ANKRD17: variants seen among roughly 807,000 people sequenced by gnomAD.
The protein encoded by ANKRD17 is ankyrin repeat domain-containing protein 17.
Under a neutral mutation model 229.7 loss-of-function variants are expected in ANKRD17, and 19 were observed. The observed-to-expected ratio is 0.08, with a 90% CI of 0.06 to 0.12. The LOEUF is 0.12. ANKRD17 is among the 10% of genes least tolerant of loss of function. The pLI is 1.00. For missense variants in ANKRD17, 2,176 were observed against 3,176.8 expected (o/e 0.68, Z 7.57); for synonymous variants, 1,112 against 1,146.1 (o/e 0.97, Z 0.60).
intron 1 of ANKRD17, among the ~76,000 whole-genome samples, chr4:73,256,741 T>G (rs910783102): frequency 6.6e-6 from 1 of 152,196 alleles, no homozygotes; most frequent in Non-Finnish European, 1.5e-5. Flanking sequence ...TTCTCTTCCT[T>G]GTTTCAAATG....
chr4:73,078,986 A>G (rs1438923533), intron 30 of ANKRD17, 96 bp from the exon 31 acceptor site: 1 of 1,354,574 alleles, frequency 7.4e-7, no homozygotes, highest in Non-Finnish European at 9.9e-7. Context: ...TTTTAAATAT[A>G]TATTCTCAGA....
At chr4:73,120,798 A>G (rs1578111505) in intron 20 of ANKRD17, 83 bp downstream of exon 20, 1 of 1,241,834 alleles carries the variant, frequency 8.1e-7, no homozygotes, top group Admixed American at 2.3e-5. Context: ...AGAAAGAACT[A>G]AAATTATAAT....
chr4:73,216,179 C>T (rs915654208), intron 1 of ANKRD17, among the ~76,000 whole-genome samples: 2 of 152,084 alleles, frequency 1.3e-5, no homozygotes, highest in African/African-American at 4.8e-5. Flanking sequence ...AACAATGCCA[C>T]TCTCACAAAT....
chr4:73,109,959 G>A (rs1345878365), intron 24 of ANKRD17, among the ~76,000 whole-genome samples: 1 of 140,064 alleles, frequency 7.1e-6, no homozygotes, highest in African/African-American at 2.6e-5. Context: ...ACCGAGAATG[G>A]GATAGGTTGT....
intron 1 of ANKRD17, among the ~76,000 whole-genome samples, chr4:73,246,666 G>T (rs1744530320): frequency 6.6e-6 from 1 of 152,078 alleles, no homozygotes; most frequent in Admixed American, 6.6e-5. Context: ...AACAGAAAAG[G>T]GTCCAATGAG....
At chr4:73,083,683 G>C (rs957514990) in intron 30 of ANKRD17, among the ~76,000 whole-genome samples, 4 of 152,114 alleles carry the variant, frequency 2.6e-5, no homozygotes, top group Admixed American at 2.0e-4. Flanking sequence ...GTACACGCCT[G>C]TAATTCCAGC....
intron 1 of ANKRD17, among the ~76,000 whole-genome samples, chr4:73,228,164 A>G (rs1220559039): frequency 1.3e-5 from 2 of 152,182 alleles, no homozygotes; most frequent in Non-Finnish European, 2.9e-5. Flanking sequence ...ATAAGTATGA[A>G]ACCCAAGTGT....
intron 2 of ANKRD17, among the ~76,000 whole-genome samples, chr4:73,162,056 CTTT>C (rs529011465): frequency 7.2e-6 from 1 of 138,178 alleles, no homozygotes; most frequent in African/African-American, 2.7e-5. Flanking sequence ...TTCTCTCTCT[CTTT>C]TTTTTTTTTT....
At position 73,091,316 on chromosome 4, in the gene ANKRD17, A is replaced by G. The variant is rs752290027; in HGVS notation, c.6312T>C (p.Ala2104=). The change falls in exon 29 of 34, where the codon GCT becomes GCC. Residue 2104 remains alanine (A), a synonymous_variant. Transcript: ENST00000358602. The part of the protein sequence containing the change: ...NSSSSSGSSS[A]HSNQQQPPGS... Reference sequence around the variant, plus strand: ...CCGGAGGTTGTTGCTGATTAGAATGAGCTGATGAACTCCCAGAAGAACTGC... The same window carrying G: ...CCGGAGGTTGTTGCTGATTAGAATGGGCTGATGAACTCCCAGAAGAACTGC... The G allele has an allele frequency of 1.5e-5, 24 of 1,614,016 alleles. No homozygotes were observed. The highest frequency in any genetic ancestry group is 1.9e-5 in the Non-Finnish European group (23 of 1,180,042).
At chr4:73,136,984 T>C (rs1191979655) in intron 15 of ANKRD17, among the ~76,000 whole-genome samples, 2 of 134,300 alleles carry the variant, frequency 1.5e-5, no homozygotes, top group African/African-American at 7.7e-5. Flanking sequence ...TACAGAGTTT[T>C]TTTTTTTTTT....
intron 30 of ANKRD17, among the ~76,000 whole-genome samples, chr4:73,083,960 AC>A: frequency 1.3e-5 from 2 of 152,056 alleles, no homozygotes; most frequent in Admixed American, 6.6e-5. Context: ...AAAAAAAAAA[AC>A]CGAAGTCTTA....
rs1578295625 is a variant in ANKRD17, at chr4:73,179,985, T to G, written c.394-2452A>C. Among the ~76,000 whole-genome samples the G allele has an allele frequency of 3.3e-5, 5 of 152,110 alleles. No homozygotes were observed. The South Asian group carries it at 1.0e-3, about 32-fold the overall frequency. On this transcript the variant is annotated intron_variant, in intron 1 of 33. Coordinates refer to ENST00000358602, the MANE Select transcript of ANKRD17 (RefSeq NM_032217.5). ...AATGAAATTTTCTAATATCTGAAAT[T>G]TATTAAAATATTTACAATTATTTCA...
chr4:73,195,046 T>G, intron 1 of ANKRD17, among the ~76,000 whole-genome samples: 1 of 152,192 alleles, frequency 6.6e-6, no homozygotes, highest in Non-Finnish European at 1.5e-5. Flanking sequence ...CTCTCTTATA[T>G]TCCTAGTTTG....
intron 23 of ANKRD17, among the ~76,000 whole-genome samples, chr4:73,114,634 A>C (rs1005506415): frequency 3.9e-5 from 6 of 152,184 alleles, no homozygotes; most frequent in African/African-American, 1.4e-4. Context: ...GTGCCACTGA[A>C]CCAGTCTTAT....
chr4:73,147,526 A>C (rs1317779354), intron 8 of ANKRD17, 94 bp from the exon 9 acceptor site: 2 of 1,057,216 alleles, frequency 1.9e-6, no homozygotes, highest in African/African-American at 3.3e-5. Context: ...GAATCTTTAA[A>C]ATGAACATTT....
chr4:73,245,855 T>A (rs1744451358), intron 1 of ANKRD17, among the ~76,000 whole-genome samples: 1 of 152,184 alleles, frequency 6.6e-6, no homozygotes, highest in African/African-American at 2.4e-5. Flanking sequence ...ATAGTTATTG[T>A]TACATAGTCC....
At chr4:73,193,799 T>C (rs1314185773) in intron 1 of ANKRD17, among the ~76,000 whole-genome samples, 1 of 152,084 alleles carries the variant, frequency 6.6e-6, no homozygotes. Flanking sequence ...CCAGGCGTGG[T>C]GGTGCACACC....
chr4:73,089,918 T>A (rs931288711), intron 29 of ANKRD17, among the ~76,000 whole-genome samples: 1 of 152,170 alleles, frequency 6.6e-6, no homozygotes, highest in African/African-American at 2.4e-5. Flanking sequence ...TTCATTAATT[T>A]AAATTTAAAA....
chr4:73,230,038 T>C (rs1468812218), intron 1 of ANKRD17, among the ~76,000 whole-genome samples: 2 of 152,162 alleles, frequency 1.3e-5, no homozygotes, highest in African/African-American at 2.4e-5. Context: ...AAACAGTTTC[T>C]ATCTCAGTTT....
Sources: gnomAD v4.1 joint callset for allele counts (sites outside exome capture counted in the v4.1 genomes callset) on GRCh38, gnomAD v4.1.1 for gene constraint, MANE v1.5 for transcripts, NCBI Gene and HGNC (gene_info 2026-07-23, HGNC 2026-07-21) for gene names.